The following SLC25A51 variants were observed in gnomAD, a reference collection of about 807,000 sequenced individuals.
SLC25A51 encodes the protein mitochondrial nicotinamide adenine dinucleotide transporter SLC25A51.
SLC25A51 carries 11 observed loss-of-function variants against 19.1 expected under a neutral mutation model. The observed-to-expected ratio is 0.58, with a 90% CI of 0.36 to 0.96. The LOEUF (loss-of-function observed/expected upper bound fraction) is 0.96, where lower values mean the gene tolerates loss of function less well. Ranked by LOEUF, SLC25A51 falls within the 40% of genes least tolerant of loss-of-function variation. The pLI is 0.01. For synonymous variants in SLC25A51, 105 were observed against 133.6 expected, an observed-to-expected ratio of 0.79 and a Z score of 1.47; for missense variants, 201 against 365.4, an observed-to-expected ratio of 0.55 and a Z score of 3.67.
chr9:37,888,610 C>T lies in SLC25A51; in HGVS notation c.-42-18G>A. 2 of 1,535,730 alleles carry T rather than the reference C, an allele frequency of 1.3e-6. No homozygotes were observed. Among genetic ancestry groups the T allele is most frequent in the Non-Finnish European group, 1.7e-6 (2 of 1,146,404 alleles). On this transcript the variant is annotated intron_variant, in intron 2 of 2. Transcript: ENST00000242275. ...TTTTTAACCTACAAATAATAAATGA[C>T]AACGGGTAAACCCGTTTTATAGAGA...
At chr9:37,880,882 G>T (rs1378324409) in intron 3 of SLC25A51, 1 of 152,208 alleles carries the variant, frequency 6.6e-6, no homozygotes, top group Non-Finnish European at 1.5e-5. Context: ...CACTCTGGAG[G>T]TCTAGAACTC....
chr9:37,884,836 G>C (rs776507468), downstream of SLC25A51, among the ~76,000 whole-genome samples: 22 of 152,122 alleles, frequency 1.4e-4, no homozygotes, highest in Admixed American at 1.3e-4. Flanking sequence ...TGAAATAAGT[G>C]AAATTATAAC....
In SLC25A51 at chr9:37,903,023, G is replaced by C. The variant is rs766161200; in HGVS notation, c.-165+1045C>G. Among the ~76,000 whole-genome samples, 11 of 152,280 alleles carry C rather than the reference G, an allele frequency of 7.2e-5. No individual in the cohort carries two copies. The East Asian group carries it at 1.9e-3, about 27-fold the overall frequency. On this transcript the variant is annotated intron_variant, in intron 1 of 2. Transcript: ENST00000242275. The stretch of plus-strand genomic sequence containing the variant: ...CCAATATAAAGACAAAGCAATATCT[G>C]ATTTTAAAATCCACTGATCTGAGTT...
chr9:37,900,449 G>GAC (rs766826964), intron 1 of SLC25A51, among the ~76,000 whole-genome samples: 1 of 131,128 alleles, frequency 7.6e-6, no homozygotes, highest in African/African-American at 2.8e-5. Context: ...ACTCTATCCA[G>GAC]AAAAAAAAAA....
rs61998253 is a variant in SLC25A51, at chr9:37,888,371, C to A, written c.180G>T (p.Leu60=). 445 of 1,614,236 alleles carry A rather than the reference C, an allele frequency of 2.8e-4. 3 individuals are homozygous for A. In the African/African-American group the frequency reaches 5.2e-3, roughly 19 times the overall value. Residue 60 remains leucine, a synonymous_variant, in exon 3 of 3, where the codon CTG becomes CTT. Transcript: ENST00000242275. ...TTGCATCCCGGGTTTTGATGCCATA[C>A]AGCTGTTGTCGAAAGAGGACCTTCT... ...PIQKVLFRQQ[L]YGIKTRDAIL... is the part of the protein sequence containing the mutation.
At chr9:37,898,598 C>A (rs925054410) in intron 2 of SLC25A51, among the ~76,000 whole-genome samples, 2 of 150,614 alleles carry the variant, frequency 1.3e-5, no homozygotes, top group South Asian at 2.1e-4. Context: ...ATGCACCTGT[C>A]ATCTCAGCTA....
intron 1 of SLC25A51, among the ~76,000 whole-genome samples, chr9:37,900,911 C>A (rs1028991762): frequency 1.8e-4 from 27 of 152,290 alleles, no homozygotes; most frequent in Middle Eastern, 3.4e-3. Flanking sequence ...GGGCTGAATG[C>A]AGTGGCTACC....
Position 37,888,110 on chromosome 9 carries a change from G to A in SLC25A51, c.441C>T (p.Asp147=), listed in dbSNP as rs369201550. The stretch of plus-strand genomic sequence containing the variant: ...TGGTAAATTTGTCATGATGCTTGTG[G>A]TCTTGAAGCAATGTCTGAACTCTTT... ...PLERVQTLLQ[D]HKHHDKFTNT... is the part of the protein sequence containing the mutation. The change falls in exon 3 of 3, where the codon GAC becomes GAT. Residue 147 remains aspartate, a synonymous_variant. Coordinates refer to ENST00000242275, the MANE Select transcript of SLC25A51 (RefSeq NM_033412.4). 8.7e-5 allele frequency: 140 copies of A among 1,613,868 alleles called. No homozygotes were observed. The highest frequency in any genetic ancestry group is 1.1e-4 in the Non-Finnish European group (128 of 1,179,878).
downstream of SLC25A51, chr9:37,879,047 TG>T: frequency 3.0e-6 from 1 of 332,060 alleles, no homozygotes; most frequent in Non-Finnish European, 6.0e-6. Context: ...ATAGTATTGA[TG>T]GGTTCTACTT....
At chr9:37,891,012 A>T (rs1053521344) in intron 2 of SLC25A51, among the ~76,000 whole-genome samples, 1 of 152,228 alleles carries the variant, frequency 6.6e-6, no homozygotes, top group Non-Finnish European at 1.5e-5. Context: ...GAGAACCATG[A>T]TCACTCTCAA....
chr9:37,894,246 T>C (rs570972736), intron 2 of SLC25A51, among the ~76,000 whole-genome samples: 6 of 152,166 alleles, frequency 3.9e-5, no homozygotes, highest in East Asian at 1.9e-4. Flanking sequence ...ACAAAAGATA[T>C]ACATTTTTAA....
At chr9:37,880,176 G>C (rs998465659) in exon 4 of SLC25A51, 3 of 152,060 alleles carry the variant, frequency 2.0e-5, no homozygotes, top group African/African-American at 7.2e-5. Context: ...AGCCGGGTGT[G>C]ATGGCGGATG....
At chr9:37,891,829 G>C (rs1434358228) in intron 2 of SLC25A51, among the ~76,000 whole-genome samples, 2 of 118,198 alleles carry the variant, frequency 1.7e-5, no homozygotes, top group Non-Finnish European at 3.3e-5. Context: ...CCCCCTCTGC[G>C]AGAAACACCC....
intron 2 of SLC25A51, among the ~76,000 whole-genome samples, chr9:37,892,480 G>A (rs775377643): frequency 1.3e-5 from 2 of 152,094 alleles, no homozygotes; most frequent in Admixed American, 6.6e-5. Context: ...CAGAGAAGCC[G>A]GTTAGGACCC....
At chr9:37,896,536 C>T (rs920746164) in intron 2 of SLC25A51, among the ~76,000 whole-genome samples, 8 of 152,164 alleles carry the variant, frequency 5.3e-5, no homozygotes, top group African/African-American at 1.7e-4. Flanking sequence ...TGGCTCACGC[C>T]GGTAGTCCCA....
chr9:37,882,684 C>G (rs1831371451), downstream of SLC25A51, among the ~76,000 whole-genome samples: 1 of 152,132 alleles, frequency 6.6e-6, no homozygotes, highest in African/African-American at 2.4e-5. Context: ...TCATACCACT[C>G]TCAGTGTGTT....
intron 2 of SLC25A51, among the ~76,000 whole-genome samples, chr9:37,889,970 T>C (rs566626661): frequency 2.0e-5 from 3 of 152,070 alleles, no homozygotes; most frequent in East Asian, 3.9e-4. Flanking sequence ...GTATCTTAGA[T>C]ATAATAGAAA....
chr9:37,901,044 T>TAGACA (rs1831837182), intron 1 of SLC25A51, among the ~76,000 whole-genome samples: 1 of 152,128 alleles, frequency 6.6e-6, no homozygotes, highest in Non-Finnish European at 1.5e-5. Context: ...TTTTGTATGT[T>TAGACA]TTGTAGAGAC....
At chr9:37,896,656 C>T (rs578192461) in intron 2 of SLC25A51, among the ~76,000 whole-genome samples, 25 of 152,220 alleles carry the variant, frequency 1.6e-4, no homozygotes, top group Non-Finnish European at 1.9e-4. Context: ...ATTAGCCAGG[C>T]GTGGTGGTGT....
Sources: allele counts gnomAD v4.1 joint callset (sites outside exome capture counted in the v4.1 genomes callset), GRCh38; gene constraint gnomAD v4.1.1; transcripts MANE v1.5; gene names NCBI Gene and HGNC (gene_info 2026-07-23, HGNC 2026-07-21).